Variants in GLOD4 observed in about 807,000 individuals in gnomAD.
GLOD4 encodes glyoxalase domain-containing protein 4.
In GLOD4, 44 loss-of-function variants were observed where a neutral mutation model predicts 39.1. The observed-to-expected ratio is 1.13, with a 90% CI of 0.88 to 1.45. The LOEUF (loss-of-function observed/expected upper bound fraction) is 1.45. Among genes scored for constraint, GLOD4 ranks in the 40% most tolerant of loss-of-function variants. The pLI is 0.00. For missense variants in GLOD4, 405 were observed against 366.4 expected, an observed-to-expected ratio of 1.11 and a Z score of -0.86; for synonymous variants, 145 against 135.0, an observed-to-expected ratio of 1.07 and a Z score of -0.52.
intron 8 of GLOD4, among the ~76,000 whole-genome samples, chr17:768,185 ACT>A (rs1184597555): frequency 4.0e-5 from 6 of 148,926 alleles, no homozygotes; most frequent in African/African-American, 1.5e-4. Context: ...AACGGCGCAC[ACT>A]CAGATTTTTA....
intron 8 of GLOD4, among the ~76,000 whole-genome samples, chr17:763,161 C>A (rs989398591): frequency 2.9e-5 from 4 of 140,272 alleles, no homozygotes; most frequent in African/African-American, 8.0e-5. Flanking sequence ...CCAGCCTGGG[C>A]GACAGAGCGA....
intron 8 of GLOD4, among the ~76,000 whole-genome samples, chr17:765,691 G>A (rs546631366): frequency 6.0e-5 from 9 of 149,928 alleles, no homozygotes; most frequent in South Asian, 2.2e-4. Context: ...TGATCCGCCC[G>A]CCTCGGCCTC....
chr17:765,423 G>A (rs1213751837), intron 8 of GLOD4: 1 of 150,668 alleles, frequency 6.6e-6, no homozygotes, highest in East Asian at 2.1e-4. Context: ...TCAGAGTGGA[G>A]GAAGAATGCA....
At chr17:777,241 G>C (rs765876778) in intron 2 of GLOD4, 11 of 527,130 alleles carry the variant, frequency 2.1e-5, no homozygotes, top group African/African-American at 7.6e-5. Context: ...GCAAGGAACA[G>C]AATCCTAAAG....
chr17:761,160 A>T (rs1371418844), intron 8 of GLOD4, among the ~76,000 whole-genome samples: 5 of 152,206 alleles, frequency 3.3e-5, no homozygotes, highest in Non-Finnish European at 7.3e-5. Flanking sequence ...TGCATGACAG[A>T]GTGTGTGTAC....
intron 4 of GLOD4, among the ~76,000 whole-genome samples, chr17:774,365 C>A (rs118167481): frequency 0.018 from 2,796 of 152,356 alleles, 44 homozygotes; most frequent in Middle Eastern, 0.071. Context: ...CACTTGCAGG[C>A]ATACGTTCAC....
At chr17:782,361 G>C, upstream of GLOD4, 3 of 1,613,260 alleles carry the variant, frequency 1.9e-6, no homozygotes, top group Non-Finnish European at 2.5e-6. Flanking sequence ...TCGTGACGCA[G>C]CCCGGGTCTC....
chr17:783,345 G>GTA, upstream of GLOD4: 3 of 1,462,874 alleles, frequency 2.1e-6, no homozygotes, highest in African/African-American at 1.9e-5. Flanking sequence ...ATTACCCAGT[G>GTA]TATCTTTTTT....
At chr17:782,813 A>G, upstream of GLOD4, 2 of 1,081,048 alleles carry the variant, frequency 1.9e-6, no homozygotes, top group South Asian at 1.7e-5. Context: ...TGTATTATGC[A>G]CAGAGGGCCG....
intron 2 of GLOD4, 64 bp from the exon 3 acceptor site, chr17:777,052 GAAC>G (rs1909087857): frequency 1.3e-6 from 2 of 1,512,950 alleles, no homozygotes; most frequent in African/African-American, 2.8e-5. Context: ...CACCCCCAGA[GAAC>G]TACTGGGCAC....
At chr17:779,987 A>AC (rs1273494058) in intron 1 of GLOD4, among the ~76,000 whole-genome samples, 1 of 151,876 alleles carries the variant, frequency 6.6e-6, no homozygotes, top group Non-Finnish European at 1.5e-5. Context: ...ACACAGTAAA[A>AC]CCCCATCTCT....
At chr17:762,632 GC>G (rs1905701987) in intron 8 of GLOD4, among the ~76,000 whole-genome samples, 1 of 148,844 alleles carries the variant, frequency 6.7e-6, no homozygotes, top group African/African-American at 2.5e-5. Context: ...GCCCCTGCCT[GC>G]ACCTACTCAG....
At position 771,338 on chromosome 17, in the gene GLOD4, T is replaced by C. The variant is rs770567916; in HGVS notation, c.530A>G (p.Tyr177Cys). Residue 177 changes from tyrosine to cysteine, a missense_variant, in exon 5 of 9, where the codon TAT becomes TGT. Physicochemically the swap from Tyr to Cys is radical, Grantham distance 194. Transcript: ENST00000301329. ...DEEKQRALLG[Y>C]ADNQCKLELQ... ...AAGATTGCTCACCTGGTTATCAGCATAGCCCAGCAAAGCCCTTTGCTTTTC... is the reference window on the plus strand; with the variant it reads ...AAGATTGCTCACCTGGTTATCAGCACAGCCCAGCAAAGCCCTTTGCTTTTC... 1 of 1,597,990 alleles carries C rather than the reference T, an allele frequency of 6.3e-7. No homozygotes were observed.
intron 5 of GLOD4, 148 bp from the exon 6 acceptor site, chr17:770,655 C>G (rs2644706): frequency 0.86 from 489,087 of 571,316 alleles, 210,041 homozygotes; most frequent in African/African-American, 0.96. Flanking sequence ...CTAGTCCACA[C>G]TTTCCTGTGT....
upstream of GLOD4, chr17:783,133 A>G (rs758902173): frequency 6.2e-7 from 1 of 1,614,128 alleles, no homozygotes; most frequent in South Asian, 1.1e-5. Flanking sequence ...AAACAAGGGA[A>G]GATCCTGCTG....
chr17:779,319 TAAAAAAAAAAAAAAAAA>T (rs34487169), intron 1 of GLOD4, among the ~76,000 whole-genome samples: 6 of 43,358 alleles, frequency 1.4e-4, no homozygotes, highest in East Asian at 7.0e-4. Flanking sequence ...CATCTCAAAT[TAAAAAAAAAAAAAAAAA>T]AAAAAAAAAA....
chr17:765,820 G>A (rs191160855), intron 8 of GLOD4, among the ~76,000 whole-genome samples: 300 of 150,264 alleles, frequency 2.0e-3, no homozygotes, highest in African/African-American at 6.9e-3. Flanking sequence ...GTGGTGGTGC[G>A]TGCCTGTAAT....
chr17:778,292 G>A (rs933598572), intron 2 of GLOD4: 10 of 318,914 alleles, frequency 3.1e-5, no homozygotes, highest in Non-Finnish European at 5.1e-5. Flanking sequence ...ACCGGCGCCT[G>A]ACGTGGCGGA....
intron 2 of GLOD4, among the ~76,000 whole-genome samples, chr17:778,131 T>C (rs181920393): frequency 1.3e-5 from 2 of 152,314 alleles, no homozygotes; most frequent in African/African-American, 4.8e-5. Context: ...TGACTCGTAC[T>C]CTTTATGATA....
Sources: allele counts gnomAD v4.1 joint callset (sites outside exome capture counted in the v4.1 genomes callset), GRCh38; gene constraint gnomAD v4.1.1; transcripts MANE v1.5; gene names NCBI Gene and HGNC (gene_info 2026-07-23, HGNC 2026-07-21).